The following DYSF variants were observed in gnomAD, a reference collection of about 807,000 sequenced individuals.
DYSF encodes the protein dysferlin.
DYSF carries 212 observed loss-of-function variants against 274.9 expected under a neutral mutation model. The ratio of observed to expected loss-of-function variants is 0.77; its 90% CI spans 0.69 to 0.86. The LOEUF (loss-of-function observed/expected upper bound fraction) is 0.86, where lower values mean the gene tolerates loss of function less well. Ranked by LOEUF, DYSF falls within the 40% of genes least tolerant of loss-of-function variation. DYSF has a pLI of 0.00. For missense variants in DYSF, 2,666 were observed against 2,783.2 expected (o/e 0.96, Z 0.95); for synonymous variants, 1,091 against 1,078.7 (o/e 1.01, Z -0.22).
At chr2:71,548,885 C>T (rs2090700737) in intron 17 of DYSF, among the ~76,000 whole-genome samples, 1 of 152,234 alleles carries the variant, frequency 6.6e-6, no homozygotes, top group Admixed American at 6.5e-5. Flanking sequence ...CCAAGCACGA[C>T]CTGCCTGCGG....
At chr2:71,517,212 A>G (rs1401758061) in intron 10 of DYSF, among the ~76,000 whole-genome samples, 173 bp downstream of exon 10, 1 of 152,024 alleles carries the variant, frequency 6.6e-6, no homozygotes, top group Admixed American at 6.6e-5. Flanking sequence ...ACCCCAGAAA[A>G]CCTCTCCACA....
Position 71,589,505 on chromosome 2 carries a change from G to T in DYSF, c.3403-88G>T, listed in dbSNP as rs1326901212. 3.9e-6 allele frequency: 4 copies of T among 1,028,886 alleles called. No individual in the cohort carries two copies. In the South Asian group the frequency reaches 5.0e-5, roughly 13 times the overall value. 63.7% of individuals were successfully genotyped at this position (1,028,886 alleles called of 1,614,324 possible). A position where few individuals can be genotyped will look rare whatever the true frequency, so the allele number is the denominator to read the frequency against. Reference sequence around the variant, plus strand: ...CTTTCGGCAGCGGAGAGATCTCCTGGCCCTGGGGATCTAACTCTCTGGGCT... The same window carrying T: ...CTTTCGGCAGCGGAGAGATCTCCTGTCCCTGGGGATCTAACTCTCTGGGCT... On this transcript the variant is annotated intron_variant, in intron 30 of 55. Coordinates refer to ENST00000410020, the MANE Select transcript of DYSF (RefSeq NM_001130987.2).
At chr2:71,641,840 C>T (rs2094490923) in intron 41 of DYSF, among the ~76,000 whole-genome samples, 1 of 152,098 alleles carries the variant, frequency 6.6e-6, no homozygotes, top group African/African-American at 2.4e-5. Flanking sequence ...AGTTTTATTG[C>T]AGTATGGTCA....
In DYSF at chr2:71,563,985, A is replaced by G. The variant is rs111238906; in HGVS notation, c.2410-73A>G. ...CTCTGTGGCCTCTGAGTCAGAGGTC[A>G]GCTCACGGTGTGGCTGTGGGGCGTG... On this transcript the variant is annotated intron_variant, in intron 23 of 55. Coordinates refer to ENST00000410020, the MANE Select transcript of DYSF (RefSeq NM_001130987.2). The G allele has an allele frequency of 1.0e-5, 16 of 1,603,452 alleles. No homozygotes were observed. In the African/African-American group the frequency reaches 1.3e-4, roughly 13 times the overall value.
At chr2:71,459,366 T>C (rs2152629475) in intron 1 of DYSF, among the ~76,000 whole-genome samples, 1 of 152,304 alleles carries the variant, frequency 6.6e-6, no homozygotes, top group Admixed American at 6.5e-5. Flanking sequence ...CCTTCCTCGA[T>C]GGTCAGGAAG....
chr2:71,580,722 T>TGAGGGCTG (rs773587887), intron 30 of DYSF, among the ~76,000 whole-genome samples: 2 of 152,202 alleles, frequency 1.3e-5, no homozygotes, highest in Admixed American at 6.5e-5. Context: ...ATGGGCGGCT[T>TGAGGGCTG]GAGGGCTGGA....
chr2:71,549,340 T>C lies in DYSF; in HGVS notation c.1577-1701T>C, dbSNP rs201701337. The stretch of plus-strand genomic sequence containing the variant: ...CACCCTAACCCCTTTTCCATTTCTT[T>C]ACGCTTCAGAGGAGCCTGCAGGTGC... On this transcript the variant is annotated intron_variant, in intron 17 of 55. Transcript: ENST00000410020. The C allele has an allele frequency of 1.9e-6, 3 of 1,612,230 alleles. No homozygotes were observed. Among genetic ancestry groups the C allele is most frequent in the Non-Finnish European group, 2.5e-6 (3 of 1,178,998 alleles).
intron 1 of DYSF, among the ~76,000 whole-genome samples, chr2:71,474,507 G>A (rs2082259289): frequency 6.6e-6 from 1 of 152,178 alleles, no homozygotes. Context: ...AACAGGGCAG[G>A]CCAAAATCCA....
chr2:71,668,439 T>C (rs1558782237), intron 48 of DYSF, among the ~76,000 whole-genome samples: 1 of 152,148 alleles, frequency 6.6e-6, no homozygotes, highest in Non-Finnish European at 1.5e-5. Flanking sequence ...CCTCCATAAC[T>C]GAACGGTGCT....
upstream of DYSF, among the ~76,000 whole-genome samples, chr2:71,462,607 A>T (rs1252813017): frequency 6.6e-6 from 1 of 152,226 alleles, no homozygotes; most frequent in African/African-American, 2.4e-5. Context: ...TACACAGACA[A>T]CTGGATGGTG....
chr2:71,485,189 A>G (rs1321549352), intron 3 of DYSF, among the ~76,000 whole-genome samples: 1 of 152,264 alleles, frequency 6.6e-6, no homozygotes, highest in East Asian at 1.9e-4. Flanking sequence ...TGAAATGTGC[A>G]CGTACATTCA....
Position 71,659,027 on chromosome 2 carries a change from TG to T in DYSF, c.4907del (p.Gly1636GlufsTer11). ...TTGGCCTGCAGCCCAAGGACCCCAA[TG>T]GAAAGGTAACTTTCCTAGAGCCCTC... is the stretch of plus-strand genomic sequence containing the variant. ...AFGLQPKDPN[G>X]KCDPYIKISI... is the part of the protein sequence containing the mutation. On this transcript the variant is annotated frameshift_variant, in exon 44 of 56. Transcript: ENST00000410020. LOFTEE classifies it high-confidence loss of function. The T allele has an allele frequency of 6.2e-7, 1 of 1,614,146 alleles. No individual in the cohort carries two copies. Among genetic ancestry groups the T allele is most frequent in the Non-Finnish European group, 8.5e-7 (1 of 1,180,012 alleles).
At chr2:71,620,871 T>TGG (rs1308566507) in intron 41 of DYSF, among the ~76,000 whole-genome samples, 1 of 151,992 alleles carries the variant, frequency 6.6e-6, no homozygotes, top group Non-Finnish European at 1.5e-5. Context: ...GGGGCTTAGG[T>TGG]GGGGCTGCAT....
At chr2:71,618,386 GTGGT>G (rs2093981057) in intron 40 of DYSF, among the ~76,000 whole-genome samples, 2 of 71,728 alleles carry the variant, frequency 2.8e-5, no homozygotes, top group Non-Finnish European at 5.6e-5. Context: ...TGTGGTAGAG[GTGGT>G]GTGTGTGTGT....
At chr2:71,481,036 T>G (rs888361766) in intron 2 of DYSF, 98 bp downstream of exon 2, 3 of 1,237,406 alleles carry the variant, frequency 2.4e-6, no homozygotes, top group Non-Finnish European at 3.5e-6. Context: ...TTCTCAGCAG[T>G]GTCCTTGAGG....
intron 23 of DYSF, among the ~76,000 whole-genome samples, chr2:71,562,253 G>C (rs1251300739): frequency 6.6e-6 from 1 of 152,158 alleles, no homozygotes; most frequent in Non-Finnish European, 1.5e-5. Flanking sequence ...CAAGGTACCT[G>C]GTTCTAGGTT....
intron 42 of DYSF, among the ~76,000 whole-genome samples, chr2:71,652,671 C>G (rs1032692947): frequency 6.6e-6 from 1 of 152,120 alleles, no homozygotes; most frequent in African/African-American, 2.4e-5. Flanking sequence ...ACAAAAATTC[C>G]AAAGAAACAT....
intron 3 of DYSF, 51 bp from the exon 4 acceptor site, chr2:71,503,163 G>A (rs1043093581): frequency 6.5e-7 from 1 of 1,549,146 alleles, no homozygotes; most frequent in South Asian, 1.1e-5. Flanking sequence ...TGGCAGAAGA[G>A]CCAGGGTGCC....
chr2:71,527,244 A>G (rs1371453391), intron 13 of DYSF, among the ~76,000 whole-genome samples: 5 of 152,220 alleles, frequency 3.3e-5, no homozygotes, highest in Admixed American at 2.6e-4. Flanking sequence ...TAAAGCATGC[A>G]TTAACACAAC....
Sources: allele counts gnomAD v4.1 joint callset (sites outside exome capture counted in the v4.1 genomes callset), GRCh38; gene constraint gnomAD v4.1.1; transcripts MANE v1.5; gene names NCBI Gene and HGNC (gene_info 2026-07-23, HGNC 2026-07-21).